TAP1: variants seen among roughly 807,000 people sequenced by gnomAD.
The protein encoded by TAP1 is transporter 1, ATP binding cassette subfamily B member, also known as antigen peptide transporter 1.
TAP1 carries 56 observed loss-of-function variants against 79.3 expected under a neutral mutation model. That is an observed-to-expected ratio of 0.71 (90% CI 0.57 to 0.88). The LOEUF (loss-of-function observed/expected upper bound fraction) is 0.88, where lower values mean the gene tolerates loss of function less well. Ranked by LOEUF, TAP1 falls within the 40% of genes least tolerant of loss-of-function variation. The pLI is 0.00. For missense variants in TAP1, 737 were observed against 936.3 expected (o/e 0.79, Z 2.78); for synonymous variants, 355 against 401.4 (o/e 0.88, Z 1.38).
In TAP1 at chr6:32,850,479, G is replaced by A. The variant is rs967545200; in HGVS notation, c.1089C>T (p.Ser363=). The part of the protein sequence containing the change: ...EVQVRESLAK[S]SQVAIEALSA... ...ACAGAGCCTCAATGGCCACCTGGCT[G>A]GACTTTGCCAGAGATTCCCGCACCT... The change falls in exon 5 of 11, where the codon TCC becomes TCT. Residue 363 remains serine (S), a synonymous_variant. Transcript: ENST00000354258. This position sits in a 1 kb window ranked among gnomAD's most constrained non-coding sequence, Gnocchi z 5.5. The A allele has an allele frequency of 6.2e-7, 1 of 1,613,932 alleles. No individual in the cohort carries two copies. The highest frequency in any genetic ancestry group is 8.5e-7 in the Non-Finnish European group (1 of 1,180,040).
At position 32,845,684 on chromosome 6, in the gene TAP1, A is replaced by G. The variant is rs1213369874; in HGVS notation, c.2142T>C (p.Phe714=). The G allele has an allele frequency of 6.2e-7, 1 of 1,612,986 alleles. No individual in the cohort carries two copies. Among genetic ancestry groups the G allele is most frequent in the East Asian group, 2.2e-5 (1 of 44,886 alleles). ...SLVEQADHIL[F]LEGGAIREGG... is the part of the protein sequence containing the mutation. ...CCTCCCGGATAGCGCCTCCTTCCAG[A>G]AAGAGGATGTGGTCAGCCTGCTCCA... The change falls in exon 11 of 11, where the codon TTT becomes TTC. Residue 714 remains phenylalanine, a synonymous_variant. Coordinates refer to ENST00000354258, the MANE Select transcript of TAP1 (RefSeq NM_000593.6). The surrounding 1 kb of genome is among the most constrained non-coding windows in gnomAD (Gnocchi z 4.5).
chr6:32,847,542 A>G lies in TAP1; in HGVS notation c.1874T>C (p.Ile625Thr). The stretch of plus-strand genomic sequence containing the variant: ...GTCATAGCCCTGAGGGAGTCCAGAG[A>G]TGAAACTATGGGCCCCAGACTTTAC... ...AAVKSGAHSFISGLPQGYDTE... is the reference protein window; with the variant it reads ...AAVKSGAHSFTSGLPQGYDTE... Residue 625 changes from isoleucine (I) to threonine (T), a missense_variant, in exon 9 of 11, where the codon ATC becomes ACC. Around this residue, in one of 5 missense-constraint regions of TAP1, gnomAD observed 266 missense variants for 332.4 expected, o/e 0.80. Coordinates refer to ENST00000354258, the MANE Select transcript of TAP1 (RefSeq NM_000593.6). The surrounding 1 kb of genome is among the most constrained non-coding windows in gnomAD (Gnocchi z 4.7). 1 of 1,613,922 alleles carries G rather than the reference A, an allele frequency of 6.2e-7. No individual in the cohort carries two copies. Among genetic ancestry groups the G allele is most frequent in the South Asian group, 1.1e-5 (1 of 91,068 alleles).
Position 32,852,028 on chromosome 6 carries a change from A to G in TAP1, c.844+81T>C. 1 of 1,579,736 alleles carries G rather than the reference A, an allele frequency of 6.3e-7. No individual in the cohort carries two copies. Among genetic ancestry groups the G allele is most frequent in the Non-Finnish European group, 8.7e-7 (1 of 1,153,244 alleles). On this transcript the variant is annotated intron_variant, in intron 3 of 10. Transcript: ENST00000354258. This position sits in a 1 kb window ranked among gnomAD's most constrained non-coding sequence, Gnocchi z 4.8. ...GTGTATGTGTGTGTGAGAGAGAGAG[A>G]GCGGGGAGGGGGGAGATCAAAGCAG...
rs1275365664 is a variant in TAP1 at position 32,853,100 on chromosome 6, G to A, written c.537C>T (p.Cys179=). 1 of 1,612,722 alleles carries A rather than the reference G, an allele frequency of 6.2e-7. No homozygotes were observed. The change falls in exon 1 of 11, where the codon TGC becomes TGT. Residue 179 remains cysteine, a synonymous_variant. Transcript: ENST00000354258. This position sits in a 1 kb window ranked among gnomAD's most constrained non-coding sequence, Gnocchi z 8.3. ...AGAGGCGGCGCGTCTCCGAGCCCAG[G>A]CAGCCTAGAAGCCGACGCACAGGGT... is the stretch of plus-strand genomic sequence containing the variant. ...SGNPVRRLLG[C]LGSETRRLSL... is the part of the protein sequence containing the mutation.
rs1770724363 is a variant in TAP1 at position 32,850,649 on chromosome 6, TA to T, written c.1051-133del. On this transcript the variant is annotated intron_variant, in intron 4 of 10. Transcript: ENST00000354258. The surrounding 1 kb of genome is among the most constrained non-coding windows in gnomAD (Gnocchi z 5.5). ...AGGAGAAAAGAGAAAGAGACACAGC[TA>T]TGCCCCTTGGATGCTAAAGAAATAC... The T allele has an allele frequency of 1.2e-6, 1 of 847,984 alleles. No individual in the cohort carries two copies. Among genetic ancestry groups the T allele is most frequent in the Non-Finnish European group, 1.9e-6 (1 of 519,522 alleles). The allele number at this position is 847,984 out of a possible 1,614,324, so 52.5% of individuals were successfully genotyped here.
chr6:32,852,436 T>C lies in TAP1; in HGVS notation c.665A>G (p.Asp222Gly). 6.2e-7 allele frequency: 1 copy of C among 1,613,034 alleles called. No individual in the cohort carries two copies. Among genetic ancestry groups the C allele is most frequent in the Non-Finnish European group, 8.5e-7 (1 of 1,180,030 alleles). ...GAGAGTTAAGTTTCGAGTGAAGGTA[T>C]CGGCTGAGCCATCTTGTAGAATCCA... ...TDWILQDGSA[D>G]TFTRNLTLMS... Residue 222 changes from aspartate to glycine, a missense_variant, in exon 2 of 11, where the codon GAT becomes GGT. Asp to Gly is a moderately conservative substitution (Grantham distance 94). Transcript: ENST00000354258. The surrounding 1 kb of genome is among the most constrained non-coding windows in gnomAD (Gnocchi z 4.8).
In TAP1 at chr6:32,845,320, C is replaced by T; in HGVS notation, c.*259G>A. The T allele has an allele frequency of 1.7e-6, 1 of 592,352 alleles. No individual in the cohort carries two copies. Among genetic ancestry groups the T allele is most frequent in the Non-Finnish European group, 3.0e-6 (1 of 332,670 alleles). The allele number at this position is 592,352 out of a possible 1,614,324, so 36.7% of individuals were successfully genotyped here. ...TGATCATCTTTCCGTACATTCTGAA[C>T]ATTTCTCAGTTTCAGAGTGCTGGCC... On this transcript the variant is annotated 3_prime_UTR_variant, in exon 11 of 11. Transcript: ENST00000354258. This position sits in a 1 kb window ranked among gnomAD's most constrained non-coding sequence, Gnocchi z 4.5.
At chr6:32,848,113 C>G (rs372263161) in intron 7 of TAP1, 21 bp from the exon 8 acceptor site, 3 of 1,575,630 alleles carry the variant, frequency 1.9e-6, no homozygotes, top group Non-Finnish European at 2.6e-6. Flanking sequence ...GAGAAGCACA[C>G]GATAAGAGGC....
rs1293431757 is a variant in TAP1, at chr6:32,850,052, C to G, written c.1248+268G>C. 1 of 569,810 alleles carries G rather than the reference C, an allele frequency of 1.8e-6. No homozygotes were observed. Among genetic ancestry groups the G allele is most frequent in the East Asian group, 3.0e-5 (1 of 33,008 alleles). The allele number at this position is 569,810 out of a possible 1,614,324, so 35.3% of individuals were successfully genotyped here. ...ACTTCCCCTGAGAGGCAAAGGAAGG[C>G]CCTAGGACTGGAAGACACGCATCTC... On this transcript the variant is annotated intron_variant, in intron 5 of 10. Coordinates refer to ENST00000354258, the MANE Select transcript of TAP1 (RefSeq NM_000593.6). The surrounding 1 kb of genome is among the most constrained non-coding windows in gnomAD (Gnocchi z 5.5).
In TAP1 at chr6:32,852,034, G is replaced by T; in HGVS notation, c.844+75C>A. 6.3e-7 allele frequency: 1 copy of T among 1,592,636 alleles called. No homozygotes were observed. On this transcript the variant is annotated intron_variant, in intron 3 of 10. Coordinates refer to ENST00000354258, the MANE Select transcript of TAP1 (RefSeq NM_000593.6). This position sits in a 1 kb window ranked among gnomAD's most constrained non-coding sequence, Gnocchi z 4.8. ...GTGTGTGTGAGAGAGAGAGAGCGGGGAGGGGGGAGATCAAAGCAGATGTAT... is the reference window on the plus strand; with the variant it reads ...GTGTGTGTGAGAGAGAGAGAGCGGGTAGGGGGGAGATCAAAGCAGATGTAT...
chr6:32,848,115 A>G (rs1319670978), intron 7 of TAP1, 23 bp from the exon 8 acceptor site: 8 of 1,573,762 alleles, frequency 5.1e-6, no homozygotes, highest in Non-Finnish European at 6.9e-6. Flanking sequence ...GAAGCACACG[A>G]TAAGAGGCTA....
At position 32,846,539 on chromosome 6, in the gene TAP1, A is replaced by G. The variant is rs60937947; in HGVS notation, c.2040+529T>C. On this transcript the variant is annotated intron_variant, in intron 10 of 10. Transcript: ENST00000354258. ...TCGCTTTAGAAATTCAGTCTATAGG[A>G]CTGGGCGCAGTGGCTCACACCTATA... 533 of 208,072 alleles carry G rather than the reference A, an allele frequency of 2.6e-3. 10 individuals are homozygous for G. The highest frequency in any genetic ancestry group is 0.019 in the South Asian group (252 of 13,372). The allele number at this position is 208,072 out of a possible 1,614,324, so 12.9% of individuals were successfully genotyped here. A position where few individuals can be genotyped will look rare whatever the true frequency, so the allele number is the denominator to read the frequency against.
Position 32,848,711 on chromosome 6 carries a change from C to A in TAP1, c.1507G>T (p.Val503Phe), listed in dbSNP as rs751780479. The A allele has an allele frequency of 3.3e-5, 53 of 1,613,986 alleles. No homozygotes were observed. The highest frequency in any genetic ancestry group is 4.2e-5 in the Non-Finnish European group (49 of 1,180,030). ...LLTPLHLEGL[V>F]QFQDVSFAYP... is the part of the protein sequence containing the mutation. The stretch of plus-strand genomic sequence containing the variant: ...GCAAAGGAGACATCTTGGAACTGGA[C>A]AAGGCCCTCCAAGTGTAAGGGAGTC... Residue 503 changes from valine (V) to phenylalanine (F), a missense_variant, in exon 7 of 11, where the codon GTC becomes TTC. By Grantham distance (50) the Val-to-Phe change is conservative. Transcript: ENST00000354258.
chr6:32,852,946 C>T lies in TAP1; in HGVS notation c.598+93G>A. 2 of 1,512,558 alleles carry T rather than the reference C, an allele frequency of 1.3e-6. No homozygotes were observed. Among genetic ancestry groups the T allele is most frequent in the South Asian group, 2.5e-5 (2 of 81,444 alleles). The allele number at this position is 1,512,558 out of a possible 1,614,324, so 93.7% of individuals were successfully genotyped here. Reference sequence around the variant, plus strand: ...AGTCCTTCTCCTGCTCCACATTTCCCAGAACCCACGCTACTCTACCTTACT... The same window carrying T: ...AGTCCTTCTCCTGCTCCACATTTCCTAGAACCCACGCTACTCTACCTTACT... On this transcript the variant is annotated intron_variant, in intron 1 of 10. Transcript: ENST00000354258. The surrounding 1 kb of genome is among the most constrained non-coding windows in gnomAD (Gnocchi z 4.8).
At chr6:32,848,567 G>A (rs1001590779) in intron 7 of TAP1, 85 bp downstream of exon 7, 2 of 1,410,912 alleles carry the variant, frequency 1.4e-6, no homozygotes, top group African/African-American at 1.4e-5. Context: ...ATGCTTGGCA[G>A]TAAGCAGGCT....
Position 32,847,645 on chromosome 6 carries a change from A to G in TAP1, c.1771T>C (p.Phe591Leu). ...ATATTTTCTTGAAGACTTCTTCCAA[A>G]TACCTGTGGCTCTTGTCCCACTGCA... ...VAAVGQEPQV[F>L]GRSLQENIAY... Residue 591 changes from phenylalanine to leucine, a missense_variant, in exon 9 of 11, where the codon TTT (phenylalanine) becomes CTT (leucine). By Grantham distance (22) the Phe-to-Leu change is conservative (BLOSUM62 0). Around this residue, in one of 5 missense-constraint regions of TAP1, gnomAD observed 266 missense variants for 332.4 expected, o/e 0.80. Transcript: ENST00000354258. The surrounding 1 kb of genome is among the most constrained non-coding windows in gnomAD (Gnocchi z 4.7). The G allele has an allele frequency of 6.2e-7, 1 of 1,612,990 alleles. No homozygotes were observed. Among genetic ancestry groups the G allele is most frequent in the Non-Finnish European group, 8.5e-7 (1 of 1,179,364 alleles).
Position 32,851,041 on chromosome 6 carries a change from C to T in TAP1, c.953G>A (p.Gly318Glu). 1 of 1,612,930 alleles carries T rather than the reference C, an allele frequency of 6.2e-7. No homozygotes were observed. Among genetic ancestry groups the T allele is most frequent in the Non-Finnish European group, 8.5e-7 (1 of 1,179,994 alleles). Residue 318 changes from glycine (G) to glutamate (E), a missense_variant, in exon 4 of 11, where the codon GGG (glycine) becomes GAG (glutamate). Around this residue, in one of 5 missense-constraint regions of TAP1, gnomAD observed 406 missense variants for 477.2 expected, o/e 0.85. Transcript: ENST00000354258. The surrounding 1 kb of genome is among the most constrained non-coding windows in gnomAD (Gnocchi z 4.8). ...WYLVRGLCLLGIMLWGSVSLT... is the reference protein window; with the variant it reads ...WYLVRGLCLLEIMLWGSVSLT... Reference sequence around the variant, plus strand: ...GGACACTGATCCCCAGAGCATGATCCCCAAGAGACATAGGCCTCGCACCAG... The same window carrying T: ...GGACACTGATCCCCAGAGCATGATCTCCAAGAGACATAGGCCTCGCACCAG...
chr6:32,848,915 T>C (rs1770611083), intron 6 of TAP1, 75 bp from the exon 7 acceptor site: 24 of 1,612,632 alleles, frequency 1.5e-5, no homozygotes, highest in Non-Finnish European at 1.9e-5. Context: ...GGGTAAAGAA[T>C]GGAAGGACAT....
At chr6:32,849,283 G>C (rs1303104561) in intron 5 of TAP1, 165 bp from the exon 6 acceptor site, 24 of 762,666 alleles carry the variant, frequency 3.1e-5, no homozygotes, top group Non-Finnish European at 4.9e-5. Flanking sequence ...CATGGAGTCT[G>C]ACTCAATGCA....
Sources: allele counts gnomAD v4.1 joint callset, GRCh38; gene constraint gnomAD v4.1.1; regional missense constraint gnomAD v4.1.1; non-coding constraint Gnocchi (gnomAD v3.1); transcripts MANE v1.5; gene names NCBI Gene and HGNC (gene_info 2026-07-23, HGNC 2026-07-21).